The following CAMTA1 variants were observed in gnomAD, a reference collection of about 807,000 sequenced individuals.
CAMTA1 encodes the protein calmodulin binding transcription activator 1.
CAMTA1 carries 27 observed loss-of-function variants against 170.9 expected under a neutral mutation model. The observed-to-expected ratio is 0.16, with a 90% CI of 0.12 to 0.22. The LOEUF (loss-of-function observed/expected upper bound fraction) is 0.22. CAMTA1 is among the 10% of genes least tolerant of loss of function. The pLI is 1.00. For missense variants in CAMTA1, 1,619 were observed against 2,217.2 expected, an observed-to-expected ratio of 0.73 and a Z score of 5.42; for synonymous variants, 833 against 891.5, an observed-to-expected ratio of 0.93 and a Z score of 1.17.
chr1:6,871,456 A>G (rs1436317939), intron 3 of CAMTA1, among the ~76,000 whole-genome samples: 3 of 152,218 alleles, frequency 2.0e-5, no homozygotes, highest in Non-Finnish European at 4.4e-5. Context: ...TAGATTTCTG[A>G]TATGTTGGCA....
In CAMTA1 at chr1:7,428,625, A is replaced by G. The variant is rs529153593; in HGVS notation, c.439-39205A>G. On this transcript the variant is annotated intron_variant, in intron 5 of 22. Coordinates refer to ENST00000303635, the MANE Select transcript of CAMTA1 (RefSeq NM_015215.4). ...CACATCCTCCCCTGAGTCCTATTCT[A>G]AAGTCATCCAGAGCACCTGGCTCTT... 2.0e-5 allele frequency among the ~76,000 whole-genome samples: 3 copies of G among 152,156 alleles called. No homozygotes were observed. In the East Asian group the frequency reaches 5.8e-4, roughly 29 times the overall value.
chr1:7,754,861 A>G (rs963601267), intron 21 of CAMTA1, among the ~76,000 whole-genome samples: 4 of 152,222 alleles, frequency 2.6e-5, no homozygotes, highest in African/African-American at 9.6e-5. Flanking sequence ...TTCAATTAAT[A>G]TGTTCAATCT....
intron 4 of CAMTA1, among the ~76,000 whole-genome samples, chr1:7,112,586 C>T (rs956041146): frequency 2.0e-5 from 3 of 152,344 alleles, no homozygotes; most frequent in South Asian, 2.1e-4. Flanking sequence ...AGACACCCAG[C>T]GGATGTTGGC....
chr1:7,759,435 A>G (rs1215068523), intron 22 of CAMTA1, among the ~76,000 whole-genome samples: 1 of 152,158 alleles, frequency 6.6e-6, no homozygotes, highest in African/African-American at 2.4e-5. Context: ...CCTTTCCTTC[A>G]GGCCTACCTC....
chr1:7,357,723 T>G (rs748862318), intron 5 of CAMTA1, among the ~76,000 whole-genome samples: 3 of 152,160 alleles, frequency 2.0e-5, no homozygotes, highest in Non-Finnish European at 4.4e-5. Flanking sequence ...CTCGTCCATG[T>G]GTGTTTTTCG....
At chr1:7,059,569 A>G (rs368062280) in intron 3 of CAMTA1, among the ~76,000 whole-genome samples, 7 of 152,130 alleles carry the variant, frequency 4.6e-5, no homozygotes, top group East Asian at 3.9e-4. Flanking sequence ...GCAGTGAACT[A>G]TGATCATGCC....
intron 4 of CAMTA1, among the ~76,000 whole-genome samples, chr1:7,105,368 C>G (rs1379314377): frequency 6.6e-6 from 1 of 152,218 alleles, no homozygotes; most frequent in East Asian, 1.9e-4. Flanking sequence ...GGCTTATCAT[C>G]TGGAAAGGTA....
At chr1:7,265,084 C>T (rs1668710689) in intron 5 of CAMTA1, among the ~76,000 whole-genome samples, 1 of 152,126 alleles carries the variant, frequency 6.6e-6, no homozygotes, top group Non-Finnish European at 1.5e-5. Context: ...TTTTCTGCTG[C>T]AGAACTTCTC....
intron 5 of CAMTA1, among the ~76,000 whole-genome samples, chr1:7,402,471 G>A (rs2089974437): frequency 6.6e-6 from 1 of 152,194 alleles, no homozygotes; most frequent in Non-Finnish European, 1.5e-5. Context: ...CCCCAGCTTG[G>A]GGTTAGATAT....
intron 3 of CAMTA1, among the ~76,000 whole-genome samples, chr1:6,951,899 G>A (rs373167617): frequency 1.3e-5 from 2 of 152,296 alleles, no homozygotes; most frequent in East Asian, 3.9e-4. Context: ...CATGCCGTGC[G>A]AACTGTGAGG....
intron 3 of CAMTA1, among the ~76,000 whole-genome samples, chr1:6,861,193 C>T (rs1408931872): frequency 1.3e-5 from 2 of 152,022 alleles, no homozygotes; most frequent in African/African-American, 4.8e-5. Context: ...TGACCTCAAG[C>T]GATCCGCCCG....
chr1:7,343,704 A>G (rs2084010027), intron 5 of CAMTA1, among the ~76,000 whole-genome samples: 1 of 152,054 alleles, frequency 6.6e-6, no homozygotes, highest in Non-Finnish European at 1.5e-5. Context: ...CCCTCCTATT[A>G]TTTCAGTCTT....
intron 5 of CAMTA1, among the ~76,000 whole-genome samples, chr1:7,296,782 A>G (rs984691421): frequency 6.6e-6 from 1 of 152,132 alleles, no homozygotes; most frequent in African/African-American, 2.4e-5. Flanking sequence ...CCAGAGATAC[A>G]GACTTTTGTA....
At chr1:7,764,943 GAGTT>G (rs1274672591) in intron 22 of CAMTA1, among the ~76,000 whole-genome samples, 15 of 150,876 alleles carry the variant, frequency 9.9e-5, no homozygotes, top group Non-Finnish European at 1.9e-4. Flanking sequence ...CTGGGCAACA[GAGTT>G]AGACTCCGTC....
At chr1:6,957,860 C>A (rs1296793272) in intron 3 of CAMTA1, among the ~76,000 whole-genome samples, 1 of 152,204 alleles carries the variant, frequency 6.6e-6, no homozygotes, top group Non-Finnish European at 1.5e-5. Context: ...GGCTTTGAGC[C>A]AGCTTGACTT....
At chr1:6,991,332 T>C (rs1300186948) in intron 3 of CAMTA1, among the ~76,000 whole-genome samples, 1 of 152,214 alleles carries the variant, frequency 6.6e-6, no homozygotes, top group Non-Finnish European at 1.5e-5. Context: ...CTAAAGTGGT[T>C]GTACCATTTC....
chr1:6,797,390 GT>G (rs766109901), intron 1 of CAMTA1, among the ~76,000 whole-genome samples: 77 of 142,384 alleles, frequency 5.4e-4, no homozygotes, highest in African/African-American at 8.4e-4. Flanking sequence ...TATTTACTGG[GT>G]TTTTTTTTTT....
intron 6 of CAMTA1, among the ~76,000 whole-genome samples, chr1:7,540,032 C>T (rs1181412475): frequency 1.3e-5 from 2 of 152,198 alleles, no homozygotes; most frequent in Admixed American, 1.3e-4. Context: ...GGACGTTAGT[C>T]GTGCCCTGCC....
At chr1:6,843,533 T>G (rs1373129696) in intron 3 of CAMTA1, among the ~76,000 whole-genome samples, 1 of 152,230 alleles carries the variant, frequency 6.6e-6, no homozygotes, top group East Asian at 1.9e-4. Context: ...AATTTTTTCC[T>G]TGAGGATAGT....
Sources: gnomAD v4.1 joint callset for allele counts (sites outside exome capture counted in the v4.1 genomes callset) on GRCh38, gnomAD v4.1.1 for gene constraint, MANE v1.5 for transcripts, NCBI Gene and HGNC (gene_info 2026-07-23, HGNC 2026-07-21) for gene names.